CACHD1: variants seen among roughly 807,000 people sequenced by gnomAD.
CACHD1 encodes VWFA and cache domain-containing protein 1.
Under a neutral mutation model 138.7 loss-of-function variants are expected in CACHD1, and 71 were observed. That is an observed-to-expected ratio of 0.51 (90% CI 0.42 to 0.62). The LOEUF is 0.62. Ranked by LOEUF, CACHD1 falls within the 20% of genes least tolerant of loss-of-function variation. The probability of loss-of-function intolerance (pLI) is 0.00; values close to 1 mark genes in which losing one functional copy is unlikely to be tolerated. For missense variants in CACHD1, 1,389 were observed against 1,625.3 expected, an observed-to-expected ratio of 0.85 and a Z score of 2.50; for synonymous variants, 578 against 591.5, an observed-to-expected ratio of 0.98 and a Z score of 0.33.
chr1:64,576,434 A>T (rs1028306899), intron 2 of CACHD1, among the ~76,000 whole-genome samples: 1 of 151,142 alleles, frequency 6.6e-6, no homozygotes. Flanking sequence ...AGGTTCTGTT[A>T]TGCTTGCTGA....
At chr1:64,551,610 C>T (rs959194486) in intron 2 of CACHD1, among the ~76,000 whole-genome samples, 4 of 152,076 alleles carry the variant, frequency 2.6e-5, no homozygotes, top group Non-Finnish European at 1.5e-5. Context: ...TCTGAGATTC[C>T]GCCATTATTA....
At chr1:64,488,542 A>G (rs1048418608) in intron 1 of CACHD1, among the ~76,000 whole-genome samples, 2 of 152,196 alleles carry the variant, frequency 1.3e-5, no homozygotes, top group African/African-American at 2.4e-5. Context: ...CTTTCTTTCA[A>G]TACACATTGT....
chr1:64,520,001 T>A (rs2100371787), intron 1 of CACHD1, among the ~76,000 whole-genome samples: 1 of 152,330 alleles, frequency 6.6e-6, no homozygotes, highest in East Asian at 1.9e-4. Flanking sequence ...ACAAAATATT[T>A]CTGCAACATT....
In CACHD1 at chr1:64,666,282, T is replaced by C. The variant is rs151203500; in HGVS notation, c.2387+115T>C. Reference sequence around the variant, plus strand: ...AGAGGCAGAAGCATGACCTTTAAAGTGAGGCCAGCTGGGATTTGAACATCT... The same window carrying C: ...AGAGGCAGAAGCATGACCTTTAAAGCGAGGCCAGCTGGGATTTGAACATCT... On this transcript the variant is annotated intron_variant, in intron 16 of 26. Coordinates refer to ENST00000651257, the MANE Select transcript of CACHD1 (RefSeq NM_020925.4). The C allele has an allele frequency of 7.3e-3, 4,079 of 556,586 alleles. 26 individuals carry two copies. The highest frequency in any genetic ancestry group is 0.03 in the Middle Eastern group (61 of 2,042). 34.5% of individuals were successfully genotyped at this position (556,586 alleles called of 1,614,324 possible).
chr1:64,608,277 G>A (rs770634560), intron 4 of CACHD1, among the ~76,000 whole-genome samples: 1 of 152,178 alleles, frequency 6.6e-6, no homozygotes, highest in Non-Finnish European at 1.5e-5. Flanking sequence ...GCAGTTATTT[G>A]TAATATGAGA....
intron 4 of CACHD1, among the ~76,000 whole-genome samples, chr1:64,610,359 A>G (rs1483544136): frequency 6.6e-6 from 1 of 152,204 alleles, no homozygotes; most frequent in East Asian, 1.9e-4. Context: ...CCACAGTCTC[A>G]TCTGAGACAA....
At chr1:64,624,933 T>G (rs1387065082) in intron 4 of CACHD1, among the ~76,000 whole-genome samples, 2 of 152,220 alleles carry the variant, frequency 1.3e-5, no homozygotes, top group Non-Finnish European at 2.9e-5. Flanking sequence ...AAATCTAGCT[T>G]GCCAGTGATT....
intron 4 of CACHD1, among the ~76,000 whole-genome samples, chr1:64,611,287 C>G (rs1172222890): frequency 6.6e-6 from 1 of 152,210 alleles, no homozygotes; most frequent in African/African-American, 2.4e-5. Context: ...GTTACTTAGG[C>G]AAATTTCTGC....
intron 1 of CACHD1, among the ~76,000 whole-genome samples, chr1:64,547,852 G>A (rs1488292970): frequency 1.3e-5 from 2 of 152,280 alleles, no homozygotes; most frequent in East Asian, 1.9e-4. Flanking sequence ...TGATAGCCCC[G>A]AACTATAACC....
chr1:64,622,273 T>C (rs1403142519), intron 4 of CACHD1, among the ~76,000 whole-genome samples: 1 of 152,236 alleles, frequency 6.6e-6, no homozygotes, highest in Non-Finnish European at 1.5e-5. Context: ...GTGTTTAAGG[T>C]TTCTCAGAGT....
chr1:64,605,209 C>T (rs1488581040), intron 4 of CACHD1, among the ~76,000 whole-genome samples: 2 of 152,124 alleles, frequency 1.3e-5, no homozygotes, highest in African/African-American at 4.8e-5. Context: ...AGGTGGTCCA[C>T]CTGCCTCGGC....
chr1:64,626,596 C>T (rs917589092), intron 4 of CACHD1, among the ~76,000 whole-genome samples: 59 of 152,218 alleles, frequency 3.9e-4, no homozygotes, highest in African/African-American at 1.4e-3. Flanking sequence ...TAATTGAGCA[C>T]TCTCTGTAGT....
intron 2 of CACHD1, among the ~76,000 whole-genome samples, chr1:64,573,213 C>A (rs1646939551): frequency 6.6e-6 from 1 of 152,066 alleles, no homozygotes; most frequent in African/African-American, 2.4e-5. Flanking sequence ...GAGGGTGGAG[C>A]CCCCATGATG....
chr1:64,664,137 A>C, intron 14 of CACHD1: 1 of 464,786 alleles, frequency 2.2e-6, no homozygotes, highest in Non-Finnish European at 3.8e-6. Context: ...TCTTACCCAG[A>C]GGAAGAAGTA....
chr1:64,660,748 C>T (rs1557544515), intron 13 of CACHD1, among the ~76,000 whole-genome samples: 1 of 152,044 alleles, frequency 6.6e-6, no homozygotes, highest in African/African-American at 2.4e-5. Context: ...CCAGGCTGGT[C>T]TTGACTCCTG....
At chr1:64,513,276 C>G (rs749713816) in intron 1 of CACHD1, among the ~76,000 whole-genome samples, 11 of 152,192 alleles carry the variant, frequency 7.2e-5, no homozygotes, top group African/African-American at 1.2e-4. Flanking sequence ...CCAGCAGTAA[C>G]TTCCTCCAAG....
At chr1:64,562,993 GTGTT>G (rs766552017) in intron 2 of CACHD1, among the ~76,000 whole-genome samples, 12 of 152,068 alleles carry the variant, frequency 7.9e-5, no homozygotes, top group Non-Finnish European at 1.0e-4. Context: ...CTTGTGAGGA[GTGTT>G]TGTTTGTTTT....
intron 1 of CACHD1, among the ~76,000 whole-genome samples, chr1:64,545,195 A>G (rs1646709422): frequency 6.6e-6 from 1 of 152,230 alleles, no homozygotes; most frequent in Admixed American, 6.5e-5. Context: ...TATTTTAGAG[A>G]GACTACCTAG....
intron 1 of CACHD1, among the ~76,000 whole-genome samples, chr1:64,526,382 T>G (rs1341099483): frequency 6.6e-6 from 1 of 150,860 alleles, no homozygotes; most frequent in Non-Finnish European, 1.5e-5. Flanking sequence ...CCATTAGGAC[T>G]GCAAGTGCCT....
Sources: allele counts gnomAD v4.1 joint callset (sites outside exome capture counted in the v4.1 genomes callset), GRCh38; gene constraint gnomAD v4.1.1; transcripts MANE v1.5; gene names NCBI Gene and HGNC (gene_info 2026-07-23, HGNC 2026-07-21).